Variants in SEC14L6 observed in about 807,000 individuals in gnomAD.
SEC14L6 encodes SEC14 like lipid binding 6, also known as SEC14-like protein 6.
SEC14L6 carries 40 observed loss-of-function variants against 54.1 expected under a neutral mutation model. That is an observed-to-expected ratio of 0.74 (90% confidence interval 0.57 to 0.96). SEC14L6 has a LOEUF of 0.96. Among genes scored for constraint, SEC14L6 ranks in the 40% least tolerant of loss-of-function variants. The pLI, the probability that SEC14L6 is intolerant of heterozygous loss-of-function variation, is 0.00. For missense variants in SEC14L6, 471 were observed against 498.3 expected (o/e 0.95, Z 0.52); for synonymous variants, 171 against 198.4 (o/e 0.86, Z 1.16).
At chr22:30,540,715 C>A (rs371612160) in intron 1 of SEC14L6, among the ~76,000 whole-genome samples, 14 of 135,038 alleles carry the variant, frequency 1.0e-4, no homozygotes, top group Admixed American at 1.5e-4. Context: ...GACCCTGTCT[C>A]AAAAAAAAAA....
chr22:30,530,581 T>C (rs1239637213), intron 6 of SEC14L6, among the ~76,000 whole-genome samples: 1 of 152,126 alleles, frequency 6.6e-6, no homozygotes, highest in African/African-American at 2.4e-5. Flanking sequence ...TCTTATTTTG[T>C]AGAGATAGGG....
chr22:30,540,354 CTCCTTTTTGTTCCTTTTTTT>C (rs2085677272), intron 1 of SEC14L6, among the ~76,000 whole-genome samples: 1 of 149,148 alleles, frequency 6.7e-6, no homozygotes, highest in African/African-American at 2.5e-5. Flanking sequence ...AACACTGCCC[CTCCTTTTTGTTCCTTTTTTT>C]TTTTTTTTTT....
intron 8 of SEC14L6, among the ~76,000 whole-genome samples, chr22:30,527,242 T>A (rs1212212061): frequency 6.6e-6 from 1 of 151,888 alleles, no homozygotes; most frequent in Non-Finnish European, 1.5e-5. Context: ...GTGTTTAATA[T>A]GCAAAGAGTA....
intron 4 of SEC14L6, 35 bp downstream of exon 4, chr22:30,532,762 C>T: frequency 6.2e-7 from 1 of 1,606,198 alleles, no homozygotes; most frequent in South Asian, 1.1e-5. Flanking sequence ...GGCTGAGGGC[C>T]CAGGGATCAG....
chr22:30,542,749 C>T, intron 1 of SEC14L6: 2 of 1,584,534 alleles, frequency 1.3e-6, no homozygotes, highest in East Asian at 2.2e-5. Flanking sequence ...TGTGACCTCC[C>T]TGAACCCTGT....
chr22:30,525,094 T>C lies in SEC14L6; in HGVS notation c.1097A>G (p.Tyr366Cys). The C allele has an allele frequency of 6.5e-7, 1 of 1,546,734 alleles. No homozygotes were observed. The highest frequency in any genetic ancestry group is 8.7e-7 in the Non-Finnish European group (1 of 1,143,472). ...AGAATGAACCAGGCTGTAGGTGTTG[T>C]AAAACCTCAGGACATCTGCAGTGAG... ...LQAGSYVLRF[Y>C]NTYSLVHSKR... The change falls in exon 12 of 12, where the codon TAC becomes TGC. Residue 366 changes from tyrosine to cysteine, a missense_variant. Transcript: ENST00000402034.
chr22:30,527,928 T>C (rs1489904711), intron 8 of SEC14L6, among the ~76,000 whole-genome samples: 2 of 151,964 alleles, frequency 1.3e-5, no homozygotes, highest in East Asian at 3.9e-4. Context: ...ATGATTATCA[T>C]ATGATAAGTA....
At chr22:30,538,965 A>G (rs966173889) in intron 1 of SEC14L6, 63 bp from the exon 2 acceptor site, 6 of 1,175,422 alleles carry the variant, frequency 5.1e-6, no homozygotes, top group South Asian at 2.7e-5. Flanking sequence ...GCAGGTCTCA[A>G]CTGTCCTTGA....
At chr22:30,531,607 G>T (rs1204271236) in intron 6 of SEC14L6, among the ~76,000 whole-genome samples, 3 of 151,918 alleles carry the variant, frequency 2.0e-5, no homozygotes, top group Non-Finnish European at 4.4e-5. Context: ...GTCTGCAATC[G>T]CAGCTACTCG....
At chr22:30,546,014 C>T (rs1444541198) in intron 1 of SEC14L6, among the ~76,000 whole-genome samples, 1 of 152,062 alleles carries the variant, frequency 6.6e-6, no homozygotes, top group Non-Finnish European at 1.5e-5. Flanking sequence ...CCACCTCAGC[C>T]TCCCAAAGTG....
In SEC14L6 at chr22:30,525,378, C is replaced by T. The variant is rs565053575; in HGVS notation, c.1053G>A (p.Gly351=). The stretch of plus-strand genomic sequence containing the variant: ...TGCCGGCCTGGAGGCAGGTGAGAAT[C>T]CCATCTTCAGGCACCATGTGGGCAT... ...RYNAHMVPED[G]ILTCLQAGSY... is the part of the protein sequence containing the mutation. Residue 351 remains glycine (G), a synonymous_variant, in exon 11 of 12, where the codon GGG becomes GGA. Transcript: ENST00000402034. 12 of 1,614,170 alleles carry T rather than the reference C, an allele frequency of 7.4e-6. No individual in the cohort carries two copies. The highest frequency in any genetic ancestry group is 1.0e-5 in the Non-Finnish European group (12 of 1,180,010).
In SEC14L6 at chr22:30,529,069, C is replaced by A. The variant is rs762047913; in HGVS notation, c.664+18G>T. The A allele has an allele frequency of 1.3e-6, 2 of 1,543,298 alleles. No individual in the cohort carries two copies. The highest frequency in any genetic ancestry group is 1.4e-5 in the African/African-American group (1 of 72,826). Reference sequence around the variant, plus strand: ...TCAGGATCCAGGCTGGAAAAGAGGCCGCAGAGGGCTCACTCACCTCCGAGA... The same window carrying A: ...TCAGGATCCAGGCTGGAAAAGAGGCAGCAGAGGGCTCACTCACCTCCGAGA... On this transcript the variant is annotated intron_variant, in intron 8 of 11. Transcript: ENST00000402034.
intron 1 of SEC14L6, among the ~76,000 whole-genome samples, chr22:30,539,482 C>T (rs2085659518): frequency 6.6e-6 from 1 of 152,120 alleles, no homozygotes; most frequent in Non-Finnish European, 1.5e-5. Context: ...CAGGGAGGGG[C>T]CCTCTTTAGT....
rs900554536 is a variant in SEC14L6, at chr22:30,531,897, C to T, written c.519+6G>A. On this transcript the variant is annotated splice_donor_region_variant and intron_variant, in intron 6 of 11. Transcript: ENST00000402034. ...CCCACCCATGCCCCTGGCGGGGTCA[C>T]CTCACCTCCTGGAGAAGCTCTATTC... The T allele has an allele frequency of 1.5e-5, 23 of 1,549,364 alleles. No homozygotes were observed. Among genetic ancestry groups the T allele is most frequent in the Admixed American group, 2.0e-5 (1 of 50,962 alleles).
intron 8 of SEC14L6, among the ~76,000 whole-genome samples, chr22:30,528,023 C>A (rs768993357): frequency 6.6e-6 from 1 of 151,022 alleles, no homozygotes; most frequent in East Asian, 1.9e-4. Flanking sequence ...AATTGTAGTT[C>A]GCTGGGTGAC....
chr22:30,532,747 C>G, intron 4 of SEC14L6, 34 bp from the exon 5 acceptor site: 3 of 1,597,426 alleles, frequency 1.9e-6, no homozygotes, highest in Non-Finnish European at 2.6e-6. Context: ...GGGTTCAGTG[C>G]CGAGGGCTGA....
chr22:30,526,066 A>G, intron 8 of SEC14L6, 134 bp from the exon 9 acceptor site: 1 of 1,047,984 alleles, frequency 9.5e-7, no homozygotes. Flanking sequence ...CATTGCCTAG[A>G]GCAGTCCTGT....
In SEC14L6 at chr22:30,529,342, G is replaced by A. The variant is rs1169810635; in HGVS notation, c.527C>T (p.Ser176Leu). The A allele has an allele frequency of 2.6e-6, 4 of 1,550,338 alleles. No homozygotes were observed. In the African/African-American group the frequency reaches 4.1e-5, roughly 16 times the overall value. The change falls in exon 7 of 12, where the codon TCA becomes TTA. Residue 176 changes from serine (S) to leucine (L), a missense_variant. Physicochemically the swap from Ser to Leu is moderately radical, Grantham distance 145. Transcript: ENST00000402034. ...PGIELLQEFFSALEANYPEIL... is the reference protein window; with the variant it reads ...PGIELLQEFFLALEANYPEIL... ...CTCAGGGTAATTTGCTTCAAGTGCTGAGAAAAACTGCGGAACCAAGTGGCA... is the reference window on the plus strand; with the variant it reads ...CTCAGGGTAATTTGCTTCAAGTGCTAAGAAAAACTGCGGAACCAAGTGGCA...
chr22:30,536,221 T>C (rs969368961), intron 2 of SEC14L6, among the ~76,000 whole-genome samples: 1 of 152,178 alleles, frequency 6.6e-6, no homozygotes, highest in African/African-American at 2.4e-5. Flanking sequence ...TCACAGGTTT[T>C]ACAAAGGCTA....
Sources: allele counts gnomAD v4.1 joint callset (sites outside exome capture counted in the v4.1 genomes callset), GRCh38; gene constraint gnomAD v4.1.1; transcripts MANE v1.5; gene names NCBI Gene and HGNC (gene_info 2026-07-23, HGNC 2026-07-21).